The following HIPK2 variants were observed in gnomAD, a reference collection of about 807,000 sequenced individuals.
HIPK2 encodes the protein homeodomain-interacting protein kinase 2.
HIPK2 carries 27 observed loss-of-function variants against 113.7 expected under a neutral mutation model. The observed-to-expected ratio is 0.24, with a 90% CI of 0.17 to 0.33. The LOEUF is 0.33. Among genes scored for constraint, HIPK2 ranks in the 10% least tolerant of loss-of-function variants. HIPK2 has a pLI of 1.00. For missense variants in HIPK2, 1,257 were observed against 1,588.0 expected (o/e 0.79, Z 3.54); for synonymous variants, 631 against 642.2 (o/e 0.98, Z 0.26).
chr7:139,716,671 G>A lies in HIPK2; in HGVS notation c.364C>T (p.Leu122Phe). ...CCACATTTTTGGTAGGTATCAAGGAGGCTCACAGTGCTTCGACGCATTAGG... is the reference window on the plus strand; with the variant it reads ...CCACATTTTTGGTAGGTATCAAGGAAGCTCACAGTGCTTCGACGCATTAGG... ...HNLMRRSTVS[L>F]LDTYQKCGLK... The change falls in exon 2 of 15, where the codon CTC (leucine) becomes TTC (phenylalanine). Residue 122 changes from leucine (L) to phenylalanine (F), a missense_variant. Leu to Phe is a conservative substitution (Grantham distance 22). This residue lies in a region of HIPK2 where 209 missense variants were observed against 237.8 expected (regional missense o/e 0.88). Coordinates refer to ENST00000406875, the MANE Select transcript of HIPK2 (RefSeq NM_022740.5). This position sits in a 1 kb window ranked among gnomAD's most constrained non-coding sequence, Gnocchi z 9.3. 1 of 1,613,942 alleles carries A rather than the reference G, an allele frequency of 6.2e-7. No homozygotes were observed. Among genetic ancestry groups the A allele is most frequent in the South Asian group, 1.1e-5 (1 of 91,078 alleles).
chr7:139,587,474 G>A (rs1798873983), intron 12 of HIPK2, among the ~76,000 whole-genome samples: 1 of 120,296 alleles, frequency 8.3e-6, no homozygotes, highest in Non-Finnish European at 1.6e-5. Context: ...GGGCGACAGA[G>A]CAAGACTGTG....
At chr7:139,649,652 C>G (rs1801385274) in intron 2 of HIPK2, among the ~76,000 whole-genome samples, 1 of 152,054 alleles carries the variant, frequency 6.6e-6, no homozygotes, top group African/African-American at 2.4e-5. Context: ...CCCTGCTCCT[C>G]CCTGTCTGTG....
At chr7:139,623,377 G>A (rs1422404577) in intron 6 of HIPK2, among the ~76,000 whole-genome samples, 1 of 151,960 alleles carries the variant, frequency 6.6e-6, no homozygotes, top group African/African-American at 2.4e-5. Flanking sequence ...CGGGTGTGGT[G>A]CGTGTGCCTG....
At chr7:139,750,884 GC>G (rs2117108048) in intron 1 of HIPK2, among the ~76,000 whole-genome samples, 1 of 152,308 alleles carries the variant, frequency 6.6e-6, no homozygotes, top group Admixed American at 6.5e-5. Context: ...TTCTCTGACA[GC>G]AAGAATGACC....
At chr7:139,695,118 C>A (rs1291833307) in intron 2 of HIPK2, among the ~76,000 whole-genome samples, 2 of 152,192 alleles carry the variant, frequency 1.3e-5, no homozygotes, top group Admixed American at 6.5e-5. Context: ...TAGCTCAGTG[C>A]ACGGACTTCA....
chr7:139,684,180 T>C (rs1002537657), intron 2 of HIPK2, among the ~76,000 whole-genome samples: 5 of 152,210 alleles, frequency 3.3e-5, no homozygotes, highest in South Asian at 2.1e-4. Flanking sequence ...TGCCATGAAT[T>C]GCACCCATAT....
chr7:139,739,445 G>A (rs909129911), intron 1 of HIPK2, among the ~76,000 whole-genome samples: 2 of 152,056 alleles, frequency 1.3e-5, no homozygotes, highest in Non-Finnish European at 2.9e-5. Flanking sequence ...AAAATAGCAG[G>A]GTGTGGTGGC....
At chr7:139,659,795 T>C (rs1038507249) in intron 2 of HIPK2, among the ~76,000 whole-genome samples, 1 of 152,186 alleles carries the variant, frequency 6.6e-6, no homozygotes, top group East Asian at 1.9e-4. Flanking sequence ...ATTAGAAAAT[T>C]AGGGTTATTT....
intron 1 of HIPK2, among the ~76,000 whole-genome samples, chr7:139,752,971 G>A (rs913563351): frequency 2.0e-5 from 3 of 152,168 alleles, no homozygotes; most frequent in South Asian, 4.1e-4. Flanking sequence ...CCCACCACTG[G>A]GAAATCAATT....
Position 139,631,347 on chromosome 7 carries a change from T to G in HIPK2, c.1228-63A>C, listed in dbSNP as rs1040481296. On this transcript the variant is annotated intron_variant, in intron 3 of 14. Transcript: ENST00000406875. This position sits in a 1 kb window ranked among gnomAD's most constrained non-coding sequence, Gnocchi z 4.9. The stretch of plus-strand genomic sequence containing the variant: ...TGTCACTATACATATGGTATACTAA[T>G]GGCTCTGCTGGCTTTGAGAAAAATG... The G allele has an allele frequency of 1.3e-6, 2 of 1,515,864 alleles. No homozygotes were observed. Among genetic ancestry groups the G allele is most frequent in the African/African-American group, 2.8e-5 (2 of 71,260 alleles). 93.9% of individuals were successfully genotyped at this position (1,515,864 alleles called of 1,614,324 possible). A position where few individuals can be genotyped will look rare whatever the true frequency, so the allele number is the denominator to read the frequency against.
At chr7:139,573,746 G>A (rs1798394013) in intron 14 of HIPK2, among the ~76,000 whole-genome samples, 1 of 151,918 alleles carries the variant, frequency 6.6e-6, no homozygotes, top group Non-Finnish European at 1.5e-5. Context: ...TATTCGGTGG[G>A]CTGAGGCACA....
rs956948215 is a variant in HIPK2 at position 139,566,484 on chromosome 7, C to T, written c.*6443G>A. 2 of 152,154 alleles carry T rather than the reference C, an allele frequency of 1.3e-5. No individual in the cohort carries two copies. Among genetic ancestry groups the T allele is most frequent in the Admixed American group, 6.5e-5 (1 of 15,272 alleles). 9.4% of individuals were successfully genotyped at this position (152,154 alleles called of 1,614,324 possible). A position where few individuals can be genotyped will look rare whatever the true frequency, so the allele number is the denominator to read the frequency against. ...CTAAATGGTTCATAGAAATATGAGG[C>T]CACGCATTGCTATTAATTAAAAAAA... is the stretch of plus-strand genomic sequence containing the variant. On this transcript the variant is annotated 3_prime_UTR_variant, in exon 15 of 15. Transcript: ENST00000406875. The surrounding 1 kb of genome is among the most constrained non-coding windows in gnomAD (Gnocchi z 4.1).
chr7:139,623,127 GCCC>G (rs1800296631), intron 6 of HIPK2, among the ~76,000 whole-genome samples: 1 of 152,154 alleles, frequency 6.6e-6, no homozygotes, highest in African/African-American at 2.4e-5. Context: ...AATCATGGGA[GCCC>G]TATCCAGTAA....
Position 139,613,627 on chromosome 7 carries a change from A to G in HIPK2, c.1991-304T>C, listed in dbSNP as rs1416859406. Among the ~76,000 whole-genome samples, 1 of 152,252 alleles carries G rather than the reference A, an allele frequency of 6.6e-6. No homozygotes were observed. The highest frequency in any genetic ancestry group is 1.9e-4 in the East Asian group (1 of 5,204). On this transcript the variant is annotated intron_variant, in intron 8 of 14. Transcript: ENST00000406875. This position sits in a 1 kb window ranked among gnomAD's most constrained non-coding sequence, Gnocchi z 4.2. The stretch of plus-strand genomic sequence containing the variant: ...AACAGGAAAACAAGGGCTTCTGACC[A>G]TCAAGATGTACCTGTGTATGTCAAA...
chr7:139,618,820 C>T (rs1800144318), intron 7 of HIPK2, among the ~76,000 whole-genome samples: 1 of 152,146 alleles, frequency 6.6e-6, no homozygotes, highest in African/African-American at 2.4e-5. Context: ...CCTGATGGGG[C>T]AGATGTTAGA....
chr7:139,660,088 T>C (rs780607755), intron 2 of HIPK2, among the ~76,000 whole-genome samples: 18 of 152,230 alleles, frequency 1.2e-4, no homozygotes, highest in Non-Finnish European at 2.2e-4. Flanking sequence ...TGGCTGGCAA[T>C]ACACACTTTA....
intron 1 of HIPK2, 125 bp from the exon 2 acceptor site, chr7:139,717,140 C>G (rs10278124): frequency 0.15 from 190,808 of 1,257,128 alleles, 15,268 homozygotes; most frequent in Admixed American, 0.16. Flanking sequence ...CACTTGAAAA[C>G]AAGGTTGAAA....
intron 2 of HIPK2, among the ~76,000 whole-genome samples, chr7:139,700,071 A>G (rs1794665869): frequency 6.6e-6 from 1 of 152,190 alleles, no homozygotes; most frequent in Non-Finnish European, 1.5e-5. Context: ...ATGGGACAGG[A>G]AAACAAATCC....
chr7:139,572,764 G>GGC lies in HIPK2; in HGVS notation c.*162_*163insGC, dbSNP rs1798327541. On this transcript the variant is annotated 3_prime_UTR_variant, in exon 15 of 15. Transcript: ENST00000406875. ...GTCCCGACCCGTCCCCCTGCCCTCT[G>GGC]CCCCCCCCCCCCCCCCCGCCCCTGC... The GGC allele has an allele frequency of 1.7e-4, 5 of 29,616 alleles. 1 individual carries two copies. The highest frequency in any genetic ancestry group is 8.0e-4 in the East Asian group (1 of 1,254). 1.8% of individuals were successfully genotyped at this position (29,616 alleles called of 1,614,324 possible).
Sources: gnomAD v4.1 joint callset for allele counts (sites outside exome capture counted in the v4.1 genomes callset) on GRCh38, gnomAD v4.1.1 for gene constraint, gnomAD v4.1.1 regional missense constraint, Gnocchi (gnomAD v3.1) non-coding constraint, MANE v1.5 for transcripts, NCBI Gene and HGNC (gene_info 2026-07-23, HGNC 2026-07-21) for gene names.